CAMK2D: variants seen among roughly 807,000 people sequenced by gnomAD.
CAMK2D encodes calcium/calmodulin-dependent protein kinase type II subunit delta.
In CAMK2D, 37 loss-of-function variants were observed where a neutral mutation model predicts 84.0. That is an observed-to-expected ratio of 0.44 (90% CI 0.34 to 0.58). The LOEUF is 0.58. CAMK2D is among the 20% of genes least tolerant of loss of function. The probability of loss-of-function intolerance (pLI) is 0.02; values close to 1 mark genes in which losing one functional copy is unlikely to be tolerated. For missense variants in CAMK2D, 448 were observed against 652.5 expected (o/e 0.69, Z 3.41); for synonymous variants, 202 against 212.5 (o/e 0.95, Z 0.43).
intron 2 of CAMK2D, among the ~76,000 whole-genome samples, chr4:113,744,602 A>G (rs988522168): frequency 1.3e-5 from 2 of 152,086 alleles, no homozygotes; most frequent in African/African-American, 2.4e-5. Context: ...TATACTCTCC[A>G]TTGTTATCTT....
At chr4:113,578,234 A>G (rs1430148929) in intron 4 of CAMK2D, among the ~76,000 whole-genome samples, 2 of 152,140 alleles carry the variant, frequency 1.3e-5, no homozygotes, top group Non-Finnish European at 2.9e-5. Context: ...CCCTTTGTTC[A>G]CATTTCCCCC....
chr4:113,583,446 A>G (rs2098819716), intron 4 of CAMK2D, among the ~76,000 whole-genome samples: 1 of 152,230 alleles, frequency 6.6e-6, no homozygotes, highest in Admixed American at 6.5e-5. Context: ...AATTTAAACA[A>G]TACTTAGAAA....
intron 3 of CAMK2D, among the ~76,000 whole-genome samples, chr4:113,647,562 T>C (rs1052406947): frequency 2.6e-5 from 4 of 152,262 alleles, no homozygotes; most frequent in Admixed American, 6.5e-5. Flanking sequence ...CTTCTGTGCA[T>C]TGTAGGATGC....
chr4:113,709,205 C>CTAAAT (rs1561965473), intron 2 of CAMK2D, among the ~76,000 whole-genome samples: 27 of 64,996 alleles, frequency 4.2e-4, no homozygotes, highest in African/African-American at 2.9e-3. Context: ...TCAAAATCAT[C>CTAAAT]TCTTGAGTAT....
At chr4:113,504,100 C>A (rs1455329680) in intron 14 of CAMK2D, among the ~76,000 whole-genome samples, 1 of 152,052 alleles carries the variant, frequency 6.6e-6, no homozygotes, top group African/African-American at 2.4e-5. Flanking sequence ...ATGGTTAACT[C>A]AAGTGAAATG....
chr4:113,581,309 T>C (rs2098807477), intron 4 of CAMK2D, among the ~76,000 whole-genome samples: 1 of 151,116 alleles, frequency 6.6e-6, no homozygotes, highest in Non-Finnish European at 1.5e-5. Context: ...AGGTCAGGAG[T>C]TCGAGACCAG....
At chr4:113,680,167 T>G (rs560345095) in intron 2 of CAMK2D, among the ~76,000 whole-genome samples, 1 of 152,274 alleles carries the variant, frequency 6.6e-6, no homozygotes, top group South Asian at 2.1e-4. Flanking sequence ...ATTGTTCAGA[T>G]TCTATGGAAG....
intron 3 of CAMK2D, among the ~76,000 whole-genome samples, chr4:113,610,772 G>A (rs1290122268): frequency 2.0e-5 from 3 of 152,000 alleles, no homozygotes; most frequent in South Asian, 2.1e-4. Flanking sequence ...GCCCTGCCAC[G>A]CTTATCTTAC....
chr4:113,481,197 T>A (rs766442484), intron 16 of CAMK2D, among the ~76,000 whole-genome samples: 5 of 152,184 alleles, frequency 3.3e-5, no homozygotes, highest in African/African-American at 7.2e-5. Context: ...AGAATTCCGA[T>A]CATTTTAGTG....
intron 2 of CAMK2D, among the ~76,000 whole-genome samples, chr4:113,726,384 T>TG (rs2099546042): frequency 7.0e-6 from 1 of 142,678 alleles, no homozygotes; most frequent in Non-Finnish European, 1.5e-5. Flanking sequence ...CTTTTTTTTT[T>TG]TTTTTTTTTT....
At chr4:113,504,778 C>A (rs4834347) in intron 14 of CAMK2D, among the ~76,000 whole-genome samples, 198 bp downstream of exon 14, 25,156 of 145,342 alleles carry the variant, frequency 0.17, 2,769 homozygotes, top group Non-Finnish European at 0.26. Flanking sequence ...TGCTTGACAA[C>A]TAACTTAACC....
chr4:113,466,293 A>G, intron 16 of CAMK2D, among the ~76,000 whole-genome samples: 1 of 144,892 alleles, frequency 6.9e-6, no homozygotes, highest in African/African-American at 2.6e-5. Context: ...TAAATATAAA[A>G]TAAAATAAAA....
At chr4:113,751,183 G>C (rs976371910) in intron 2 of CAMK2D, among the ~76,000 whole-genome samples, 1 of 152,208 alleles carries the variant, frequency 6.6e-6, no homozygotes, top group Non-Finnish European at 1.5e-5. Flanking sequence ...GGGGAAAGTT[G>C]ATGAGTCTAC....
intron 2 of CAMK2D, among the ~76,000 whole-genome samples, chr4:113,720,099 T>G (rs376483949): frequency 1.5e-4 from 23 of 152,120 alleles, no homozygotes; most frequent in East Asian, 9.6e-4. Flanking sequence ...TGATAGCAGA[T>G]GACAAGCCGA....
chr4:113,548,034 T>C (rs189257417), intron 5 of CAMK2D, among the ~76,000 whole-genome samples: 1 of 152,198 alleles, frequency 6.6e-6, no homozygotes, highest in Non-Finnish European at 1.5e-5. Flanking sequence ...ATAATCTTTA[T>C]AGCTGTGGTG....
chr4:113,578,666 T>G (rs1251307880), intron 4 of CAMK2D, among the ~76,000 whole-genome samples: 1 of 146,018 alleles, frequency 6.8e-6, no homozygotes, highest in African/African-American at 2.5e-5. Flanking sequence ...AAATAAGCAG[T>G]TTTTCACAGA....
At chr4:113,592,237 G>A (rs1190332650) in intron 4 of CAMK2D, among the ~76,000 whole-genome samples, 1 of 152,112 alleles carries the variant, frequency 6.6e-6, no homozygotes, top group Non-Finnish European at 1.5e-5. Flanking sequence ...GCAAAGTCCA[G>A]GCTGGGAGAT....
intron 16 of CAMK2D, among the ~76,000 whole-genome samples, chr4:113,483,910 T>C (rs890113588): frequency 6.6e-6 from 1 of 152,092 alleles, no homozygotes; most frequent in Non-Finnish European, 1.5e-5. Flanking sequence ...AAGGGGTGCA[T>C]CTATGAGAAT....
chr4:113,728,300 T>C (rs1423856971), intron 2 of CAMK2D, among the ~76,000 whole-genome samples: 1 of 152,182 alleles, frequency 6.6e-6, no homozygotes, highest in African/African-American at 2.4e-5. Flanking sequence ...AATAAAATAC[T>C]ACTACTCCTC....
Sources: allele counts gnomAD v4.1 joint callset (sites outside exome capture counted in the v4.1 genomes callset), GRCh38; gene constraint gnomAD v4.1.1; transcripts MANE v1.5; gene names NCBI Gene and HGNC (gene_info 2026-07-23, HGNC 2026-07-21).